DNAAF5: variants seen among roughly 807,000 people sequenced by gnomAD.
DNAAF5 encodes the protein dynein axonemal assembly factor 5.
DNAAF5 carries 64 observed loss-of-function variants against 75.8 expected under a neutral mutation model. The observed-to-expected ratio is 0.84, with a 90% CI of 0.69 to 1.04. The LOEUF (loss-of-function observed/expected upper bound fraction) is 1.04. DNAAF5 is among the 50% of genes least tolerant of loss of function. The pLI is 0.00. For synonymous variants in DNAAF5, 657 were observed against 557.2 expected (o/e 1.18, Z -2.52); for missense variants, 1,269 against 1,178.5 (o/e 1.08, Z -1.12).
Position 764,636 on chromosome 7 carries a change from G to A in DNAAF5, c.1783+662G>A, listed in dbSNP as rs547368842. Among the ~76,000 whole-genome samples, 3 of 152,342 alleles carry A rather than the reference G, an allele frequency of 2.0e-5. No individual in the cohort carries two copies. The East Asian group carries it at 5.8e-4, about 29-fold the overall frequency. Reference sequence around the variant, plus strand: ...GTTGGATGTGTGCACCAGGGTGGTCGTGCTCTGCATCTGAGGATGCTAAGA... The same window carrying A: ...GTTGGATGTGTGCACCAGGGTGGTCATGCTCTGCATCTGAGGATGCTAAGA... On this transcript the variant is annotated intron_variant, in intron 8 of 12. Coordinates refer to ENST00000297440, the MANE Select transcript of DNAAF5 (RefSeq NM_017802.4).
At chr7:741,216 C>T (rs1223548937) in intron 3 of DNAAF5, 131 bp from the exon 4 acceptor site, 6 of 732,348 alleles carry the variant, frequency 8.2e-6, no homozygotes, top group Non-Finnish European at 1.4e-5. Context: ...TCTGGTCCAC[C>T]TTTTCTGGGG....
intron 7 of DNAAF5, 104 bp downstream of exon 7, chr7:762,000 A>AG (rs1782666499): frequency 7.9e-6 from 9 of 1,146,250 alleles, no homozygotes; most frequent in Non-Finnish European, 1.1e-5. Flanking sequence ...TCTGTGCTTG[A>AG]CCAGCAAAGA....
At chr7:734,595 T>A (rs1781678284) in intron 2 of DNAAF5, among the ~76,000 whole-genome samples, 1 of 152,242 alleles carries the variant, frequency 6.6e-6, no homozygotes, top group Admixed American at 6.5e-5. Flanking sequence ...CCTCATAAAT[T>A]AAGTTTGGAG....
chr7:770,904 T>C (rs926978232), intron 9 of DNAAF5: 22 of 355,774 alleles, frequency 6.2e-5, no homozygotes, highest in Non-Finnish European at 9.5e-5. Flanking sequence ...GGTGGGCGTG[T>C]GCAGTGACCC....
chr7:776,757 C>T (rs1778773419), intron 11 of DNAAF5, among the ~76,000 whole-genome samples: 1 of 152,212 alleles, frequency 6.6e-6, no homozygotes, highest in African/African-American at 2.4e-5. Flanking sequence ...GCAGCCTGCA[C>T]ACAAACCCCT....
chr7:770,205 G>T (rs1472501319), intron 8 of DNAAF5, among the ~76,000 whole-genome samples: 1 of 152,312 alleles, frequency 6.6e-6, no homozygotes, highest in African/African-American at 2.4e-5. Flanking sequence ...TCCCTCCTTG[G>T]CCTCCCAAAG....
intron 8 of DNAAF5, chr7:769,307 C>T (rs1778472928): frequency 4.5e-6 from 3 of 668,676 alleles, no homozygotes; most frequent in Admixed American, 2.2e-5. Context: ...CCACCCTGAG[C>T]CTTCAGCTCC....
At chr7:738,454 C>T (rs907763106) in intron 2 of DNAAF5, among the ~76,000 whole-genome samples, 4 of 152,030 alleles carry the variant, frequency 2.6e-5, no homozygotes, top group African/African-American at 9.7e-5. Context: ...GTCATGTTTT[C>T]CTGGATGCTC....
intron 6 of DNAAF5, among the ~76,000 whole-genome samples, chr7:758,516 C>T (rs1409969079): frequency 2.0e-5 from 3 of 152,338 alleles, no homozygotes; most frequent in South Asian, 2.1e-4. Context: ...GAACGTGTGT[C>T]GGCCCTTTGG....
At position 726,843 on chromosome 7, in the gene DNAAF5, C is replaced by G; in HGVS notation, c.123C>G (p.Asp41Glu). Residue 41 changes from aspartate (D) to glutamate (E), a missense_variant, in exon 1 of 13, where the codon GAC (aspartate) becomes GAG (glutamate). Physicochemically the swap from Asp to Glu is conservative, Grantham distance 45. Transcript: ENST00000297440. ...LSRLLPGLEA[D>E]SKPGRRRALE... ...GCCTGCTGCCGGGGCTGGAGGCCGACAGCAAGCCGGGCCGGCGGCGCGCCT... is the reference window on the plus strand; with the variant it reads ...GCCTGCTGCCGGGGCTGGAGGCCGAGAGCAAGCCGGGCCGGCGGCGCGCCT... The G allele has an allele frequency of 3.8e-6, 5 of 1,325,012 alleles. No individual in the cohort carries two copies. The highest frequency in any genetic ancestry group is 4.8e-6 in the Non-Finnish European group (5 of 1,040,646). 82.1% of individuals were successfully genotyped at this position (1,325,012 alleles called of 1,614,324 possible).
intron 4 of DNAAF5, among the ~76,000 whole-genome samples, chr7:742,946 C>G (rs888588312): frequency 3.9e-5 from 6 of 152,398 alleles, no homozygotes; most frequent in African/African-American, 1.4e-4. Flanking sequence ...CAGCCCAAAT[C>G]AGATGCCCTG....
intron 2 of DNAAF5, among the ~76,000 whole-genome samples, chr7:736,992 AC>A (rs1260027981): frequency 1.3e-5 from 2 of 151,596 alleles, no homozygotes; most frequent in Non-Finnish European, 2.9e-5. Context: ...AAAACTCTAC[AC>A]CTTAATTTTA....
intron 11 of DNAAF5, among the ~76,000 whole-genome samples, chr7:775,949 T>C (rs1778747383): frequency 6.6e-6 from 1 of 152,216 alleles, no homozygotes; most frequent in Admixed American, 6.5e-5. Flanking sequence ...TTGAGGATTT[T>C]GGTATCCTAG....
chr7:735,714 T>C (rs1484008874), intron 2 of DNAAF5, among the ~76,000 whole-genome samples: 3 of 152,228 alleles, frequency 2.0e-5, no homozygotes, highest in Non-Finnish European at 4.4e-5. Context: ...GGTGTGTTGA[T>C]TTTGCTTGTC....
intron 11 of DNAAF5, among the ~76,000 whole-genome samples, chr7:779,340 C>T (rs1037560783): frequency 5.9e-5 from 9 of 152,312 alleles, no homozygotes; most frequent in South Asian, 4.1e-4. Flanking sequence ...GGTGGTTTTG[C>T]GACTCAGTCA....
chr7:756,649 A>C (rs1782493743), intron 5 of DNAAF5, 133 bp from the exon 6 acceptor site: 5 of 772,414 alleles, frequency 6.5e-6, no homozygotes, highest in Non-Finnish European at 1.1e-5. Flanking sequence ...AGCATGTGCC[A>C]AGGACTCACT....
At chr7:729,222 C>G (rs1480426663) in intron 1 of DNAAF5, among the ~76,000 whole-genome samples, 1 of 152,076 alleles carries the variant, frequency 6.6e-6, no homozygotes, top group Non-Finnish European at 1.5e-5. Flanking sequence ...TGGTGCTGGC[C>G]CAGCTTCCTG....
intron 12 of DNAAF5, among the ~76,000 whole-genome samples, chr7:780,760 C>A (rs530307272): frequency 2.6e-5 from 4 of 152,140 alleles, no homozygotes; most frequent in African/African-American, 7.2e-5. Context: ...GAGCCTTCCA[C>A]GCTCAGTGCA....
intron 4 of DNAAF5, among the ~76,000 whole-genome samples, chr7:750,297 A>AG (rs754212047): frequency 1.3e-5 from 2 of 152,146 alleles, no homozygotes; most frequent in Non-Finnish European, 2.9e-5. Context: ...TGCGCCATCT[A>AG]GGCTTGTGTA....
Sources: allele counts gnomAD v4.1 joint callset (sites outside exome capture counted in the v4.1 genomes callset), GRCh38; gene constraint gnomAD v4.1.1; transcripts MANE v1.5; gene names NCBI Gene and HGNC (gene_info 2026-07-23, HGNC 2026-07-21).